The following DPY19L2 variants were observed in gnomAD, a reference collection of about 807,000 sequenced individuals.
DPY19L2 encodes dpy-19 like 2, also known as probable C-mannosyltransferase DPY19L2.
A neutral mutation model predicts 97.9 loss-of-function variants in DPY19L2; 34 were observed. The observed-to-expected ratio is 0.35, with a 90% CI of 0.26 to 0.46. The LOEUF (loss-of-function observed/expected upper bound fraction) is 0.46, where lower values mean the gene tolerates loss of function less well. Among genes scored for constraint, DPY19L2 ranks in the 20% least tolerant of loss-of-function variants. The pLI is 1.00. For missense variants in DPY19L2, 623 were observed against 911.4 expected (o/e 0.68, Z 4.07); for synonymous variants, 230 against 307.9 (o/e 0.75, Z 2.65).
At chr12:63,629,395 A>G (rs1890170261) in intron 6 of DPY19L2, among the ~76,000 whole-genome samples, 1 of 152,186 alleles carries the variant, frequency 6.6e-6, no homozygotes, top group East Asian at 1.9e-4. Context: ...CTGAAAACCA[A>G]GGCACGAGAA....
At chr12:63,599,709 T>C (rs1884830276) in intron 13 of DPY19L2, among the ~76,000 whole-genome samples, 1 of 152,116 alleles carries the variant, frequency 6.6e-6, no homozygotes, top group Non-Finnish European at 1.5e-5. Context: ...CCTAAACCAG[T>C]TAGTTAAGCA....
intron 9 of DPY19L2, among the ~76,000 whole-genome samples, chr12:63,619,753 C>T (rs1888390237): frequency 6.6e-6 from 1 of 152,120 alleles, no homozygotes; most frequent in Non-Finnish European, 1.5e-5. Flanking sequence ...GATCCACCCG[C>T]CTCAGCCTCC....
At chr12:63,581,673 G>A (rs1474668797) in intron 18 of DPY19L2, among the ~76,000 whole-genome samples, 5 of 150,728 alleles carry the variant, frequency 3.3e-5, no homozygotes, top group African/African-American at 4.9e-5. Context: ...AATAGAGATA[G>A]GGTTTCACCA....
At chr12:63,624,223 C>T in intron 7 of DPY19L2, 92 bp from the exon 8 acceptor site, 2 of 857,810 alleles carry the variant, frequency 2.3e-6, no homozygotes, top group African/African-American at 1.7e-5. Flanking sequence ...AATTTTAATA[C>T]TAGGCTCACT....
At chr12:63,562,441 T>C (rs919138314) in intron 21 of DPY19L2, among the ~76,000 whole-genome samples, 17 of 144,488 alleles carry the variant, frequency 1.2e-4, no homozygotes, top group Non-Finnish European at 2.5e-4. Flanking sequence ...AATAAGTGGA[T>C]TGTTTCCAGT....
intron 20 of DPY19L2, 161 bp from the exon 21 acceptor site, chr12:63,569,510 C>T: frequency 2.1e-6 from 1 of 481,890 alleles, no homozygotes; most frequent in South Asian, 2.8e-5. Context: ...GCAGTTTCCA[C>T]ATTCCTACTT....
intron 4 of DPY19L2, among the ~76,000 whole-genome samples, chr12:63,658,641 A>G (rs4044643): frequency 6.6e-6 from 1 of 152,174 alleles, no homozygotes; most frequent in African/African-American, 2.4e-5. Context: ...TTTACCCTCA[A>G]TACTGCTTCC....
At chr12:63,616,368 A>T (rs1887825658) in intron 11 of DPY19L2, among the ~76,000 whole-genome samples, 1 of 152,302 alleles carries the variant, frequency 6.6e-6, no homozygotes, top group African/African-American at 2.4e-5. Context: ...AAGAAAGAGC[A>T]TTTTTTCTGG....
At chr12:63,593,721 C>T (rs1278681235) in intron 16 of DPY19L2, among the ~76,000 whole-genome samples, 4 of 151,944 alleles carry the variant, frequency 2.6e-5, no homozygotes, top group Admixed American at 2.6e-4. Flanking sequence ...AGCACACCAG[C>T]ATGGCACATG....
chr12:63,594,835 T>G (rs965617482), intron 15 of DPY19L2, among the ~76,000 whole-genome samples: 1 of 152,170 alleles, frequency 6.6e-6, no homozygotes, highest in African/African-American at 2.4e-5. Context: ...AATAGTTAAT[T>G]CATGCATTGG....
At chr12:63,632,240 A>G (rs1397289188) in intron 6 of DPY19L2, among the ~76,000 whole-genome samples, 1 of 152,160 alleles carries the variant, frequency 6.6e-6, no homozygotes, top group Non-Finnish European at 1.5e-5. Context: ...GAAGGAAATA[A>G]AAGGTATTCA....
intron 21 of DPY19L2, among the ~76,000 whole-genome samples, chr12:63,563,209 A>T (rs1445829840): frequency 1.3e-5 from 2 of 152,036 alleles, no homozygotes; most frequent in Non-Finnish European, 1.5e-5. Flanking sequence ...TTTCTCCCAG[A>T]CTGTGGTTTA....
At chr12:63,560,864 A>C (rs918796935) in intron 21 of DPY19L2, among the ~76,000 whole-genome samples, 10 of 152,226 alleles carry the variant, frequency 6.6e-5, no homozygotes, top group African/African-American at 2.4e-4. Flanking sequence ...CATCTCATTT[A>C]ACCAAGGGAA....
At chr12:63,652,798 G>A (rs12308996) in intron 4 of DPY19L2, among the ~76,000 whole-genome samples, 37,125 of 151,914 alleles carry the variant, frequency 0.24, 4,940 homozygotes, top group East Asian at 0.45. Flanking sequence ...AGGAGGGTGA[G>A]GACTGAATAA....
At chr12:63,589,104 A>T (rs1202363489) in intron 16 of DPY19L2, among the ~76,000 whole-genome samples, 1 of 152,032 alleles carries the variant, frequency 6.6e-6, no homozygotes, top group Non-Finnish European at 1.5e-5. Flanking sequence ...CTAACAGTAA[A>T]TGAAACAGTG....
intron 18 of DPY19L2, among the ~76,000 whole-genome samples, chr12:63,582,155 G>A (rs950125349): frequency 5.3e-5 from 8 of 151,982 alleles, no homozygotes; most frequent in African/African-American, 1.9e-4. Context: ...GATATTAACA[G>A]AGGGGAAATG....
intron 16 of DPY19L2, among the ~76,000 whole-genome samples, chr12:63,588,634 CA>C (rs1565721597): frequency 6.6e-6 from 1 of 151,550 alleles, no homozygotes; most frequent in East Asian, 1.9e-4. Flanking sequence ...ATTTAACATT[CA>C]TTTTTTACTG....
In DPY19L2 at chr12:63,599,177, A is replaced by C. The variant is rs1326908412; in HGVS notation, c.1359+1129T>G. ...ACAGCATGAGACTGTGTTTCAAAAAACAAAAAAAAAAAAAAAAAAAGATTT... is the reference window on the plus strand; with the variant it reads ...ACAGCATGAGACTGTGTTTCAAAAACCAAAAAAAAAAAAAAAAAAAGATTT... On this transcript the variant is annotated intron_variant, in intron 13 of 21. Transcript: ENST00000324472. Among the ~76,000 whole-genome samples the C allele has an allele frequency of 8.9e-5, 11 of 123,634 alleles. No homozygotes were observed. The East Asian group carries it at 1.4e-3, about 15-fold the overall frequency. 81.1% of individuals were successfully genotyped at this position (123,634 alleles called of 152,430 possible).
chr12:63,638,552 T>G (rs1444573081), intron 6 of DPY19L2, among the ~76,000 whole-genome samples: 1 of 152,134 alleles, frequency 6.6e-6, no homozygotes, highest in African/African-American at 2.4e-5. Flanking sequence ...CAACCATTCC[T>G]ATACACCACT....
Sources: allele counts gnomAD v4.1 joint callset (sites outside exome capture counted in the v4.1 genomes callset), GRCh38; gene constraint gnomAD v4.1.1; transcripts MANE v1.5; gene names NCBI Gene and HGNC (gene_info 2026-07-23, HGNC 2026-07-21).